PURG: variants seen among roughly 807,000 people sequenced by gnomAD.
PURG encodes purine rich element binding protein G.
In PURG, 3 loss-of-function variants were observed where a neutral mutation model predicts 24.3. That is an observed-to-expected ratio of 0.12 (90% CI 0.06 to 0.32). The LOEUF (loss-of-function observed/expected upper bound fraction) is 0.32, where lower values mean the gene tolerates loss of function less well. Among genes scored for constraint, PURG ranks in the 10% least tolerant of loss-of-function variants. The pLI is 1.00. For synonymous variants in PURG, 180 were observed against 173.1 expected, an observed-to-expected ratio of 1.04 and a Z score of -0.31; for missense variants, 371 against 439.1, an observed-to-expected ratio of 0.84 and a Z score of 1.39.
At chr8:31,026,685 C>T (rs1167407522), downstream of PURG, among the ~76,000 whole-genome samples, 1 of 144,532 alleles carries the variant, frequency 6.9e-6, no homozygotes, top group African/African-American at 2.5e-5. Context: ...CTTGTATATG[C>T]AGAGTAACTC....
downstream of PURG, among the ~76,000 whole-genome samples, chr8:31,027,839 C>G (rs556284441): frequency 6.6e-6 from 1 of 151,766 alleles, no homozygotes; most frequent in East Asian, 1.9e-4. Context: ...CTAAATCCCC[C>G]AATACCCTTT....
intron 1 of PURG, among the ~76,000 whole-genome samples, chr8:31,015,000 A>G (rs371482131): frequency 6.6e-6 from 1 of 152,230 alleles, no homozygotes; most frequent in Non-Finnish European, 1.5e-5. Context: ...ATCTTTTTGC[A>G]TGTGAGAATT....
At position 31,033,161 on chromosome 8, in the gene PURG, G is replaced by T; in HGVS notation, c.-90C>A. 1 of 207,124 alleles carries T rather than the reference G, an allele frequency of 4.8e-6. No homozygotes were observed. The highest frequency in any genetic ancestry group is 9.4e-6 in the Non-Finnish European group (1 of 105,978). 12.8% of individuals were successfully genotyped at this position (207,124 alleles called of 1,614,324 possible). A position where few individuals can be genotyped will look rare whatever the true frequency, so the allele number is the denominator to read the frequency against. ...GCCAGCTCTCGGCCCCTCTGCTGCA[G>T]CCGCCGCAGCCGCCGCCCCCCGCCT... On this transcript the variant is annotated 5_prime_UTR_variant, in exon 1 of 2. The change creates a new upstream start codon in the 5' untranslated region. Coordinates refer to ENST00000523392, the MANE Select transcript of PURG (RefSeq NM_001323311.2).
intron 1 of PURG, among the ~76,000 whole-genome samples, chr8:31,018,054 G>A (rs185089602): frequency 6.5e-4 from 99 of 152,162 alleles, no homozygotes; most frequent in Non-Finnish European, 1.0e-4. Flanking sequence ...AAGTTTCTTT[G>A]AAGATTATAA....
intron 1 of PURG, among the ~76,000 whole-genome samples, chr8:31,025,766 G>C (rs1205922463): frequency 6.6e-6 from 1 of 151,490 alleles, no homozygotes; most frequent in Non-Finnish European, 1.5e-5. Flanking sequence ...TATTAAGGCA[G>C]CTTTGTTTAT....
chr8:31,013,604 G>A (rs1810802859), intron 1 of PURG, among the ~76,000 whole-genome samples: 1 of 152,198 alleles, frequency 6.6e-6, no homozygotes, highest in African/African-American at 2.4e-5. Flanking sequence ...AGGCATGGTG[G>A]CGGGCGCCTG....
chr8:31,032,679 T>G lies in PURG; in HGVS notation c.104A>C (p.Gln35Pro). 1.3e-6 allele frequency: 2 copies of G among 1,549,366 alleles called. No homozygotes were observed. The highest frequency in any genetic ancestry group is 1.7e-6 in the Non-Finnish European group (2 of 1,147,284). The change falls in exon 2 of 2, where the codon CAG becomes CCG. Residue 35 changes from glutamine to proline, a missense_variant. By Grantham distance (76) the Gln-to-Pro change is moderately conservative. Coordinates refer to ENST00000523392, the MANE Select transcript of PURG (RefSeq NM_001323311.2). The surrounding 1 kb of genome is among the most constrained non-coding windows in gnomAD (Gnocchi z 5.9). ...LSKSRLYPQA[Q>P]HSHYPHYAAS... Reference sequence around the variant, plus strand: ...CGCGTAGTGGGGGTAGTGGGAGTGCTGGGCCTGGGGATAGAGTCTACTCTT... The same window carrying G: ...CGCGTAGTGGGGGTAGTGGGAGTGCGGGGCCTGGGGATAGAGTCTACTCTT...
chr8:31,012,449 A>C (rs1180995345), intron 1 of PURG, among the ~76,000 whole-genome samples: 1 of 152,224 alleles, frequency 6.6e-6, no homozygotes, highest in Non-Finnish European at 1.5e-5. Flanking sequence ...TAGGCAGAGA[A>C]GCAGCATACT....
chr8:31,026,919 T>G (rs1022687148), downstream of PURG, among the ~76,000 whole-genome samples: 1 of 151,678 alleles, frequency 6.6e-6, no homozygotes, highest in African/African-American at 2.4e-5. Context: ...ATATTATTTT[T>G]CTAAGCTCTA....
intron 1 of PURG, among the ~76,000 whole-genome samples, chr8:31,022,575 TG>T (rs1483905082): frequency 2.6e-5 from 4 of 152,180 alleles, no homozygotes; most frequent in African/African-American, 4.8e-5. Context: ...ATAAATAGGA[TG>T]GAGTGGGTCC....
intron 1 of PURG, among the ~76,000 whole-genome samples, chr8:31,020,601 G>A (rs935206916): frequency 7.2e-5 from 11 of 152,138 alleles, no homozygotes; most frequent in Non-Finnish European, 1.3e-4. Context: ...TGAAAAATGA[G>A]AGGGAATCAG....
At chr8:31,011,719 A>T (rs528984768) in intron 1 of PURG, among the ~76,000 whole-genome samples, 1 of 152,322 alleles carries the variant, frequency 6.6e-6, no homozygotes, top group South Asian at 2.1e-4. Flanking sequence ...ATAACTTTGG[A>T]CATGGCACAC....
intron 1 of PURG, among the ~76,000 whole-genome samples, chr8:30,997,632 A>G (rs932309260): frequency 1.3e-5 from 2 of 151,726 alleles, no homozygotes; most frequent in South Asian, 2.1e-4. Flanking sequence ...TTACAGAAAA[A>G]TGTGTTTTTG....
At chr8:31,012,494 C>T (rs578004338) in intron 1 of PURG, among the ~76,000 whole-genome samples, 1 of 152,180 alleles carries the variant, frequency 6.6e-6, no homozygotes, top group Admixed American at 6.5e-5. Flanking sequence ...TAAATATGAA[C>T]CATGCCAAGA....
intron 1 of PURG, among the ~76,000 whole-genome samples, chr8:31,019,982 C>T (rs971006625): frequency 1.3e-5 from 2 of 151,840 alleles, no homozygotes; most frequent in Non-Finnish European, 2.9e-5. Flanking sequence ...ACCAGCCTGG[C>T]CAACATGGCA....
chr8:31,005,204 G>A (rs1007326927), intron 1 of PURG, among the ~76,000 whole-genome samples: 6 of 152,092 alleles, frequency 3.9e-5, no homozygotes, highest in African/African-American at 1.4e-4. Flanking sequence ...AGGCTGAGAT[G>A]GGCAGATCAC....
chr8:31,022,056 C>T (rs910563792), intron 1 of PURG, among the ~76,000 whole-genome samples: 3 of 151,632 alleles, frequency 2.0e-5, no homozygotes, highest in African/African-American at 2.4e-5. Context: ...CTGCAACCTC[C>T]GCCTCCTAGG....
chr8:31,004,465 G>A (rs1810603394), intron 1 of PURG, among the ~76,000 whole-genome samples: 1 of 152,224 alleles, frequency 6.6e-6, no homozygotes, highest in Non-Finnish European at 1.5e-5. Flanking sequence ...GAAGCCCGAG[G>A]TGGGTGGATC....
chr8:30,998,804 C>T (rs1181620924), intron 1 of PURG, among the ~76,000 whole-genome samples: 1 of 151,732 alleles, frequency 6.6e-6, no homozygotes, highest in Non-Finnish European at 1.5e-5. Flanking sequence ...ATCATTTTAT[C>T]CATTCATTCA....
Sources: gnomAD v4.1 joint callset for allele counts (sites outside exome capture counted in the v4.1 genomes callset) on GRCh38, gnomAD v4.1.1 for gene constraint, Gnocchi (gnomAD v3.1) non-coding constraint, MANE v1.5 for transcripts, NCBI Gene and HGNC (gene_info 2026-07-23, HGNC 2026-07-21) for gene names.